PCDHA5: variants seen among roughly 807,000 people sequenced by gnomAD.
The protein encoded by PCDHA5 is protocadherin alpha-5.
Under a neutral mutation model 61.6 loss-of-function variants are expected in PCDHA5, and 43 were observed. That is an observed-to-expected ratio of 0.70 (90% CI 0.55 to 0.90). PCDHA5 has a LOEUF of 0.90. Among genes scored for constraint, PCDHA5 ranks in the 40% least tolerant of loss-of-function variants. PCDHA5 has a pLI of 0.00. For synonymous variants in PCDHA5, 627 were observed against 543.9 expected (o/e 1.15, Z -2.13); for missense variants, 1,298 against 1,222.7 (o/e 1.06, Z -0.92).
intron 1 of PCDHA5, chr5:140,927,567 C>A: frequency 6.2e-7 from 1 of 1,614,180 alleles, no homozygotes; most frequent in Non-Finnish European, 8.5e-7. Context: ...TTGTGGTGGA[C>A]ACAAATGACA....
chr5:140,853,924 T>G, intron 1 of PCDHA5: 1 of 905,060 alleles, frequency 1.1e-6, no homozygotes, highest in Non-Finnish European at 1.3e-6. Flanking sequence ...ATCCCAACAT[T>G]TTGGGAGGCC....
At chr5:140,940,528 A>G (rs1190387049) in intron 1 of PCDHA5, among the ~76,000 whole-genome samples, 6 of 152,156 alleles carry the variant, frequency 3.9e-5, no homozygotes, top group African/African-American at 1.4e-4. Flanking sequence ...AGCTCACTGC[A>G]ATCTTGAATT....
At position 140,850,017 on chromosome 5, in the gene PCDHA5, G is replaced by A. The variant is rs149779533; in HGVS notation, c.2352+25890G>A. On this transcript the variant is annotated intron_variant, in intron 1 of 3. Transcript: ENST00000529859. ...GGGCGAGCGCTCGCTGTCGAGCTAC[G>A]TGTCAGTGCACGCGGAGAGCGGCAA... is the stretch of plus-strand genomic sequence containing the variant. 9,030 of 1,596,972 alleles carry A rather than the reference G, an allele frequency of 5.7e-3. 796 individuals are homozygous for A. Among genetic ancestry groups the A allele is most frequent in the South Asian group, 0.03 (2,755 of 90,494 alleles).
At chr5:140,877,357 G>A in intron 1 of PCDHA5, 2 of 1,614,020 alleles carry the variant, frequency 1.2e-6, no homozygotes, top group African/African-American at 2.7e-5. Flanking sequence ...GCTGTACACT[G>A]GCGAGATCAG....
At position 140,828,843 on chromosome 5, in the gene PCDHA5, T is replaced by C. The variant is rs145020293; in HGVS notation, c.2352+4716T>C. On this transcript the variant is annotated intron_variant, in intron 1 of 3. Transcript: ENST00000529859. ...GAACAGTCTGAATACGAAGTAAGAA[T>C]ATTCGAAAATGCAGACAACGGAACA... 84 of 1,614,196 alleles carry C rather than the reference T, an allele frequency of 5.2e-5. No homozygotes were observed. Among genetic ancestry groups the C allele is most frequent in the Non-Finnish European group, 6.9e-5 (81 of 1,180,038 alleles).
chr5:140,872,873 A>G (rs1419569928), intron 1 of PCDHA5, among the ~76,000 whole-genome samples: 1 of 152,204 alleles, frequency 6.6e-6, no homozygotes, highest in African/African-American at 2.4e-5. Flanking sequence ...GACAATTATC[A>G]GTTTCATTCA....
At chr5:140,997,727 C>G (rs2097783097) in intron 3 of PCDHA5, among the ~76,000 whole-genome samples, 1 of 151,244 alleles carries the variant, frequency 6.6e-6, no homozygotes, top group Admixed American at 6.6e-5. Flanking sequence ...TACGTCAGTA[C>G]ATATAGATTT....
chr5:140,945,998 A>G (rs246057), intron 1 of PCDHA5, among the ~76,000 whole-genome samples: 85,388 of 151,608 alleles, frequency 0.56, 24,621 homozygotes, highest in African/African-American at 0.69. Context: ...GATTGCATCA[A>G]ACTAAAAAGC....
rs35252606 is a variant in PCDHA5, at chr5:140,912,343, ATT to A, written c.2353-66592_2353-66591del. The stretch of plus-strand genomic sequence containing the variant: ...CTCAGTATTAACCAGTACACTAAGT[ATT>A]TTTTTTTTTTTTTGCAGCTGTTGTA... On this transcript the variant is annotated intron_variant, in intron 1 of 3. Transcript: ENST00000529859. 3.7e-3 allele frequency among the ~76,000 whole-genome samples: 528 copies of A among 143,760 alleles called. 4 individuals are homozygous for A. The highest frequency in any genetic ancestry group is 8.3e-3 in the East Asian group (41 of 4,940). 94.3% of individuals were successfully genotyped at this position (143,760 alleles called of 152,430 possible).
chr5:140,950,107 A>G (rs1196740444), intron 1 of PCDHA5, among the ~76,000 whole-genome samples: 1 of 151,920 alleles, frequency 6.6e-6, no homozygotes, highest in Non-Finnish European at 1.5e-5. Context: ...ATTAAATCTC[A>G]TACAATACAA....
chr5:140,941,239 C>CTTTCTTTCTTTCTT (rs2092937531), intron 1 of PCDHA5, among the ~76,000 whole-genome samples: 2 of 134,500 alleles, frequency 1.5e-5, no homozygotes, highest in Non-Finnish European at 1.6e-5. Context: ...TTCTTTCTTT[C>CTTTCTTTCTTTCTT]TTTCTTTCTT....
chr5:140,898,407 C>T (rs556061781), intron 1 of PCDHA5, among the ~76,000 whole-genome samples: 90 of 152,094 alleles, frequency 5.9e-4, no homozygotes, highest in Middle Eastern at 3.4e-3. Flanking sequence ...TTTCTACATA[C>T]GGCTAGCCAG....
At chr5:140,834,387 G>C in intron 1 of PCDHA5, 1 of 1,584,008 alleles carries the variant, frequency 6.3e-7, no homozygotes, top group South Asian at 1.2e-5. Flanking sequence ...ATTTGAAATG[G>C]TGTGCCCGAA....
At position 140,823,144 on chromosome 5, in the gene PCDHA5, C is replaced by T. The variant is rs1332340413; in HGVS notation, c.1369C>T (p.Pro457Ser). The change falls in exon 1 of 4, where the codon CCC becomes TCC. Residue 457 changes from proline to serine, a missense_variant. Pro to Ser is a moderately conservative substitution (Grantham distance 74, BLOSUM62 -1). Coordinates refer to ENST00000529859, the MANE Select transcript of PCDHA5 (RefSeq NM_018908.3). ...VNDNAPAFAQPQYTVFVKENN... is the reference protein window; with the variant it reads ...VNDNAPAFAQSQYTVFVKENN... The stretch of plus-strand genomic sequence containing the variant: ...CGACAACGCTCCGGCGTTCGCGCAG[C>T]CCCAGTATACCGTGTTCGTGAAGGA... 1.2e-6 allele frequency: 2 copies of T among 1,614,006 alleles called. No homozygotes were observed. Among genetic ancestry groups the T allele is most frequent in the Non-Finnish European group, 1.7e-6 (2 of 1,179,956 alleles).
intron 1 of PCDHA5, among the ~76,000 whole-genome samples, chr5:140,924,896 AAAAAAAAAATAAAAT>A (rs1195249436): frequency 5.8e-5 from 4 of 69,076 alleles, no homozygotes; most frequent in Non-Finnish European, 9.1e-5. Flanking sequence ...ACCTGTCTCA[AAAAAAAAAATAAAAT>A]AAAATAAAAT....
At chr5:140,870,132 C>T (rs371110623) in intron 1 of PCDHA5, 43 of 1,613,852 alleles carry the variant, frequency 2.7e-5, no homozygotes, top group East Asian at 4.5e-5. Context: ...TGGACACCAA[C>T]GATAACTCTC....
rs2150459394 is a variant in PCDHA5 at position 140,849,947 on chromosome 5, G to T, written c.2352+25820G>T. On this transcript the variant is annotated intron_variant, in intron 1 of 3. Transcript: ENST00000529859. The stretch of plus-strand genomic sequence containing the variant: ...CGGTGTCTGCGCGGGACGCTGACGC[G>T]CAGGAGAACGCCCTGGTGTCCTACT... 4 of 1,597,722 alleles carry T rather than the reference G, an allele frequency of 2.5e-6. No homozygotes were observed. In the African/African-American group the frequency reaches 4.0e-5, roughly 16 times the overall value.
intron 1 of PCDHA5, chr5:140,862,723 C>T: frequency 1.8e-6 from 1 of 568,234 alleles, no homozygotes; most frequent in East Asian, 4.8e-5. Flanking sequence ...CGAGTGCGCG[C>T]TGTCTAGCTA....
intron 1 of PCDHA5, among the ~76,000 whole-genome samples, chr5:140,934,486 A>G (rs1243287097): frequency 6.6e-6 from 1 of 152,124 alleles, no homozygotes; most frequent in East Asian, 1.9e-4. Context: ...AATTATATTC[A>G]CCTCATAAAC....
Sources: gnomAD v4.1 joint callset for allele counts (sites outside exome capture counted in the v4.1 genomes callset) on GRCh38, gnomAD v4.1.1 for gene constraint, MANE v1.5 for transcripts, NCBI Gene and HGNC (gene_info 2026-07-23, HGNC 2026-07-21) for gene names.